The following NSD2 variants were observed in gnomAD, a reference collection of about 807,000 sequenced individuals.
The protein encoded by NSD2 is nuclear receptor binding SET domain protein 2, also known as histone-lysine N-methyltransferase NSD2.
Under a neutral mutation model 139.0 loss-of-function variants are expected in NSD2, and 12 were observed. That is an observed-to-expected ratio of 0.09 (90% CI 0.06 to 0.14). The LOEUF is 0.14. Ranked by LOEUF, NSD2 falls within the 10% of genes least tolerant of loss-of-function variation. The pLI, the probability that NSD2 is intolerant of heterozygous loss-of-function variation, is 1.00. For missense variants in NSD2, 1,155 were observed against 1,745.0 expected, an observed-to-expected ratio of 0.66 and a Z score of 6.02; for synonymous variants, 669 against 648.7, an observed-to-expected ratio of 1.03 and a Z score of -0.48.
intron 1 of NSD2, among the ~76,000 whole-genome samples, chr4:1,895,044 T>G (rs1267919710): frequency 6.6e-6 from 1 of 152,218 alleles, no homozygotes; most frequent in Non-Finnish European, 1.5e-5. Flanking sequence ...ATTTGTCTTT[T>G]TTGTGTCTGC....
At chr4:1,951,704 T>A (rs1724288951) in intron 10 of NSD2, among the ~76,000 whole-genome samples, 1 of 152,182 alleles carries the variant, frequency 6.6e-6, no homozygotes, top group Non-Finnish European at 1.5e-5. Context: ...CAGCTGGAGA[T>A]GGCATGGGAG....
rs1727808968 is a variant in NSD2, at chr4:1,981,945, A to G, written c.*3036A>G. 2.5e-6 allele frequency: 1 copy of G among 398,500 alleles called. No individual in the cohort carries two copies. Among genetic ancestry groups the G allele is most frequent in the South Asian group, 1.3e-4 (1 of 7,866 alleles). The allele number at this position is 398,500 out of a possible 1,614,324, so 24.7% of individuals were successfully genotyped here. On this transcript the variant is annotated 3_prime_UTR_variant, in exon 22 of 22. Transcript: ENST00000508803. ...AAATGCCCCGTCAGAAATTAAATAC[A>G]AACTTAAATGTGCCTATTGGTGTCT...
Position 1,953,450 on chromosome 4 carries a change from G to A in NSD2, c.2264G>A (p.Arg755Gln). ...TACCCTCTGACTGTATTTGAGAGCCGAGGTTTCCGCTGCCCCCTCCACAGC... is the reference window on the plus strand; with the variant it reads ...TACCCTCTGACTGTATTTGAGAGCCAAGGTTTCCGCTGCCCCCTCCACAGC... Reference protein sequence around the residue: ...KKYPLTVFESRGFRCPLHSCV... With the variant: ...KKYPLTVFESQGFRCPLHSCV... Residue 755 changes from arginine (R) to glutamine (Q), a missense_variant, in exon 12 of 22, where the codon CGA becomes CAA. Transcript: ENST00000508803. 2 of 1,614,116 alleles carry A rather than the reference G, an allele frequency of 1.2e-6. No homozygotes were observed. Among genetic ancestry groups the A allele is most frequent in the Non-Finnish European group, 1.7e-6 (2 of 1,180,022 alleles).
intron 7 of NSD2, 29 bp from the exon 8 acceptor site, chr4:1,938,412 CTTTCTTTTTT>C: frequency 1.6e-6 from 1 of 635,586 alleles, no homozygotes; most frequent in Non-Finnish European, 2.0e-6. Context: ...TTTTTTTTTT[CTTTCTTTTTT>C]TTTTTTTTTT....
chr4:1,979,027 G>T lies in NSD2; in HGVS notation c.*118G>T. 7.6e-7 allele frequency: 1 copy of T among 1,316,776 alleles called. No individual in the cohort carries two copies. The highest frequency in any genetic ancestry group is 1.5e-5 in the African/African-American group (1 of 67,362). 81.6% of individuals were successfully genotyped at this position (1,316,776 alleles called of 1,614,324 possible). On this transcript the variant is annotated 3_prime_UTR_variant, in exon 22 of 22. Coordinates refer to ENST00000508803, the MANE Select transcript of NSD2 (RefSeq NM_001042424.3). ...CAGCTCGAGCCGCCAGGACACAGAC[G>T]TACAGGCCTCCTCGGGAGGGAGCGC...
intron 1 of NSD2, among the ~76,000 whole-genome samples, chr4:1,898,243 C>T (rs563468942): frequency 3.3e-5 from 5 of 152,232 alleles, no homozygotes; most frequent in South Asian, 4.1e-4. Context: ...CACATCACCA[C>T]GACTGGCTAA....
intron 1 of NSD2, among the ~76,000 whole-genome samples, chr4:1,878,224 C>A (rs1714404646): frequency 1.3e-5 from 1 of 76,298 alleles, no homozygotes; most frequent in Admixed American, 2.0e-4. Context: ...CCATGCCCGG[C>A]TGATATATAT....
chr4:1,968,498 C>G (rs1010076384), intron 18 of NSD2, among the ~76,000 whole-genome samples: 2 of 151,928 alleles, frequency 1.3e-5, no homozygotes, highest in Admixed American at 1.3e-4. Context: ...TGGGAAACTG[C>G]TAAATGAATA....
intron 8 of NSD2, 35 bp downstream of exon 8, chr4:1,938,567 T>C (rs1722735907): frequency 2.4e-6 from 2 of 823,856 alleles, no homozygotes; most frequent in Middle Eastern, 4.0e-4. Flanking sequence ...TCTTGGCTTC[T>C]GGGTGCCCAG....
intron 18 of NSD2, among the ~76,000 whole-genome samples, chr4:1,967,355 A>C (rs1187679550): frequency 6.6e-6 from 1 of 152,206 alleles, no homozygotes; most frequent in Non-Finnish European, 1.5e-5. Context: ...CGAGGCCGGC[A>C]GATCACAAGG....
intron 1 of NSD2, among the ~76,000 whole-genome samples, chr4:1,895,259 C>T (rs1347734917): frequency 6.6e-6 from 1 of 152,150 alleles, no homozygotes; most frequent in Non-Finnish European, 1.5e-5. Flanking sequence ...TCTTCTGGTT[C>T]CTGCTTTTAA....
In NSD2 at chr4:1,924,741, A is replaced by G. The variant is rs184995385; in HGVS notation, c.1411-5885A>G. On this transcript the variant is annotated intron_variant, in intron 5 of 21. Transcript: ENST00000508803. ...GCCTGGGCAACACAGTGAGACTCTCATCTCTACAAAAAAAAAAACAAAACA... is the reference window on the plus strand; with the variant it reads ...GCCTGGGCAACACAGTGAGACTCTCGTCTCTACAAAAAAAAAAACAAAACA... Among the ~76,000 whole-genome samples the G allele has an allele frequency of 2.7e-4, 41 of 149,324 alleles. No homozygotes were observed. In the East Asian group the frequency reaches 5.6e-3, roughly 21 times the overall value.
At chr4:1,939,900 G>C in intron 9 of NSD2, 122 bp downstream of exon 9, 2 of 1,560,104 alleles carry the variant, frequency 1.3e-6, no homozygotes, top group South Asian at 2.3e-5. Context: ...TGCCAGTGCA[G>C]ATGTTTTAGG....
rs1296039164 is a variant in NSD2, at chr4:1,976,846, A to G, written c.3826+167A>G. Among the ~76,000 whole-genome samples, 1 of 152,132 alleles carries G rather than the reference A, an allele frequency of 6.6e-6. No homozygotes were observed. The highest frequency in any genetic ancestry group is 1.5e-5 in the Non-Finnish European group (1 of 68,026). ...GGGTGGCAGAGCCTTTCTTTGTTCC[A>G]CCAGCCGCACATTCTAGATCTCTGC... On this transcript the variant is annotated intron_variant, in intron 21 of 21. Transcript: ENST00000508803. This position sits in a 1 kb window ranked among gnomAD's most constrained non-coding sequence, Gnocchi z 5.3.
chr4:1,912,954 TC>T (rs1718871005), intron 3 of NSD2, among the ~76,000 whole-genome samples: 1 of 152,168 alleles, frequency 6.6e-6, no homozygotes, highest in African/African-American at 2.4e-5. Context: ...CACAGGCTGT[TC>T]CAGTATAATA....
At chr4:1,944,101 C>T (rs1313383939) in intron 9 of NSD2, 12 of 1,066,028 alleles carry the variant, frequency 1.1e-5, no homozygotes, top group East Asian at 5.0e-5. Flanking sequence ...GGGGTGACAT[C>T]GTTCCCTGGG....
intron 21 of NSD2, among the ~76,000 whole-genome samples, chr4:1,978,388 C>T (rs190662603): frequency 1.3e-4 from 20 of 152,304 alleles, no homozygotes; most frequent in Non-Finnish European, 2.8e-4. Context: ...CAGCTCCTCT[C>T]AGTTGCCGAA....
In NSD2 at chr4:1,956,246, A is replaced by C; in HGVS notation, c.2881+58A>C. ...CACTCTCGTGCATTTTCTTACCCCT[A>C]ATTTCTATTTTTTAAAATTTGATCT... is the stretch of plus-strand genomic sequence containing the variant. On this transcript the variant is annotated intron_variant, in intron 15 of 21. Transcript: ENST00000508803. The surrounding 1 kb of genome is among the most constrained non-coding windows in gnomAD (Gnocchi z 5.3). The C allele has an allele frequency of 7.0e-7, 1 of 1,433,306 alleles. No homozygotes were observed. The highest frequency in any genetic ancestry group is 9.4e-7 in the Non-Finnish European group (1 of 1,069,260). The allele number at this position is 1,433,306 out of a possible 1,614,324, so 88.8% of individuals were successfully genotyped here.
rs1391121705 is a variant in NSD2, at chr4:1,955,186, C to T, written c.2364C>T (p.Cys788=). 1.2e-6 allele frequency: 2 copies of T among 1,613,040 alleles called. No individual in the cohort carries two copies. Among genetic ancestry groups the T allele is most frequent in the Admixed American group, 1.7e-5 (1 of 60,014 alleles). ...SKGKMMRCVR[C]PVAYHSGDAC... ...GTAAAATGATGCGGTGTGTCCGCTG[C>T]CCCGTTGCCTATCACAGCGGGGATG... Residue 788 remains cysteine, a synonymous_variant, in exon 13 of 22, where the codon TGC becomes TGT. Transcript: ENST00000508803. The surrounding 1 kb of genome is among the most constrained non-coding windows in gnomAD (Gnocchi z 4.7).
Sources: gnomAD v4.1 joint callset for allele counts (sites outside exome capture counted in the v4.1 genomes callset) on GRCh38, gnomAD v4.1.1 for gene constraint, Gnocchi (gnomAD v3.1) non-coding constraint, MANE v1.5 for transcripts, NCBI Gene and HGNC (gene_info 2026-07-23, HGNC 2026-07-21) for gene names.